Variants in MKLN1 observed in about 807,000 individuals in gnomAD.
MKLN1 encodes muskelin.
In MKLN1, 18 loss-of-function variants were observed where a neutral mutation model predicts 99.0. The observed-to-expected ratio is 0.18, with a 90% confidence interval of 0.13 to 0.27. The LOEUF (loss-of-function observed/expected upper bound fraction) is 0.27, where lower values mean the gene tolerates loss of function less well. MKLN1 is among the 10% of genes least tolerant of loss of function. MKLN1 has a pLI of 1.00. For missense variants in MKLN1, 621 were observed against 875.9 expected (o/e 0.71, Z 3.67); for synonymous variants, 288 against 293.2 (o/e 0.98, Z 0.18).
At chr7:131,396,539 T>C (rs1794366071) in intron 4 of MKLN1, among the ~76,000 whole-genome samples, 1 of 152,170 alleles carries the variant, frequency 6.6e-6, no homozygotes, top group Non-Finnish European at 1.5e-5. Flanking sequence ...ATATTTAGTA[T>C]TTTCCCAGTA....
chr7:131,470,167 T>G (rs1337673158), intron 15 of MKLN1, among the ~76,000 whole-genome samples: 2 of 152,162 alleles, frequency 1.3e-5, no homozygotes, highest in Non-Finnish European at 2.9e-5. Context: ...GCACCCTGTT[T>G]TTTTGTTTTT....
At chr7:131,240,923 A>C (rs1361093229) in intron 3 of MKLN1, among the ~76,000 whole-genome samples, 2 of 152,246 alleles carry the variant, frequency 1.3e-5, no homozygotes, top group African/African-American at 4.8e-5. Context: ...TGTTAAGACA[A>C]ACTGGCTAAG....
intron 1 of MKLN1, among the ~76,000 whole-genome samples, chr7:131,334,349 G>A (rs1799188879): frequency 6.6e-6 from 1 of 152,098 alleles, no homozygotes; most frequent in African/African-American, 2.4e-5. Context: ...GGCCCTGTTT[G>A]GGAACCTTAC....
chr7:131,188,896 T>C (rs895239866), intron 2 of MKLN1, among the ~76,000 whole-genome samples: 1 of 152,166 alleles, frequency 6.6e-6, no homozygotes, highest in Non-Finnish European at 1.5e-5. Context: ...CACCCACAGA[T>C]ATGAATCATC....
intron 3 of MKLN1, among the ~76,000 whole-genome samples, chr7:131,297,276 G>C (rs1412417741): frequency 6.6e-6 from 1 of 152,080 alleles, no homozygotes; most frequent in Non-Finnish European, 1.5e-5. Flanking sequence ...CAGGAGAATC[G>C]CTTGAACCCG....
intron 6 of MKLN1, among the ~76,000 whole-genome samples, chr7:131,407,686 G>GT (rs554959871): frequency 0.044 from 6,176 of 140,328 alleles, 159 homozygotes; most frequent in Middle Eastern, 0.12. Flanking sequence ...CTGAAACATG[G>GT]TTTTTTTTTT....
chr7:131,402,677 T>C (rs1462668078), intron 6 of MKLN1, among the ~76,000 whole-genome samples: 1 of 152,208 alleles, frequency 6.6e-6, no homozygotes, highest in East Asian at 1.9e-4. Context: ...AATGGATATG[T>C]GTTAGTAGGC....
At chr7:131,306,746 C>T (rs2116629361) in intron 3 of MKLN1, among the ~76,000 whole-genome samples, 1 of 152,290 alleles carries the variant, frequency 6.6e-6, no homozygotes, top group Non-Finnish European at 1.5e-5. Flanking sequence ...AAAAGGAAAG[C>T]AGAGCATAAA....
intron 2 of MKLN1, among the ~76,000 whole-genome samples, chr7:131,183,386 C>T (rs1240986889): frequency 6.6e-6 from 1 of 152,144 alleles, no homozygotes; most frequent in Non-Finnish European, 1.5e-5. Context: ...GCCCAGGTCT[C>T]CAAATACTCT....
intron 1 of MKLN1, among the ~76,000 whole-genome samples, chr7:131,115,478 C>G (rs1246500301): frequency 1.3e-5 from 2 of 152,188 alleles, no homozygotes. Context: ...TGCTTCTGCT[C>G]TTGTCCTCAT....
At chr7:131,466,641 A>G (rs762155664) in intron 15 of MKLN1, among the ~76,000 whole-genome samples, 4 of 152,230 alleles carry the variant, frequency 2.6e-5, no homozygotes, top group Non-Finnish European at 5.9e-5. Context: ...AGCTGTTAAA[A>G]AAATGGAAAA....
At chr7:131,258,650 T>C (rs920371437) in intron 3 of MKLN1, among the ~76,000 whole-genome samples, 9 of 152,226 alleles carry the variant, frequency 5.9e-5, no homozygotes, top group African/African-American at 1.9e-4. Flanking sequence ...TATCAGATAT[T>C]TTGGGTATGG....
chr7:131,257,006 C>T (rs559853166), intron 3 of MKLN1, among the ~76,000 whole-genome samples: 2 of 152,228 alleles, frequency 1.3e-5, no homozygotes, highest in South Asian at 4.1e-4. Flanking sequence ...TATATAAGCT[C>T]TATACATACA....
intron 16 of MKLN1, among the ~76,000 whole-genome samples, chr7:131,476,695 G>A (rs1302548460): frequency 1.3e-5 from 2 of 152,280 alleles, no homozygotes; most frequent in East Asian, 1.9e-4. Context: ...TGCAGTGTAA[G>A]TTTGGTCTTT....
intron 2 of MKLN1, among the ~76,000 whole-genome samples, chr7:131,186,398 C>T (rs1796450733): frequency 6.6e-6 from 1 of 152,106 alleles, no homozygotes; most frequent in Non-Finnish European, 1.5e-5. Context: ...GCCCCAGCTG[C>T]TCAGGAGGCC....
chr7:131,182,083 G>C (rs912172605), intron 2 of MKLN1, among the ~76,000 whole-genome samples: 3 of 152,044 alleles, frequency 2.0e-5, no homozygotes, highest in Non-Finnish European at 4.4e-5. Flanking sequence ...GCAGTGAGCC[G>C]AGATCGCACC....
chr7:131,227,196 CGTCTT>C (rs962283330), intron 3 of MKLN1, among the ~76,000 whole-genome samples: 1 of 152,172 alleles, frequency 6.6e-6, no homozygotes, highest in African/African-American at 2.4e-5. Context: ...CTCTGCTCAG[CGTCTT>C]ATCAGAACGT....
chr7:131,162,763 G>A (rs1203404666), intron 2 of MKLN1, among the ~76,000 whole-genome samples: 6 of 152,162 alleles, frequency 3.9e-5, no homozygotes, highest in Admixed American at 6.5e-5. Context: ...ATTGGACTTC[G>A]AAAACTTAGT....
chr7:131,156,698 T>C (rs1292603808), intron 2 of MKLN1, among the ~76,000 whole-genome samples: 1 of 152,186 alleles, frequency 6.6e-6, no homozygotes, highest in Admixed American at 6.5e-5. Flanking sequence ...CGATGTGCAG[T>C]AGGTTAAGTG....
Sources: gnomAD v4.1 joint callset for allele counts (sites outside exome capture counted in the v4.1 genomes callset) on GRCh38, gnomAD v4.1.1 for gene constraint, MANE v1.5 for transcripts, NCBI Gene and HGNC (gene_info 2026-07-23, HGNC 2026-07-21) for gene names.